NPY5R: variants seen among roughly 807,000 people sequenced by gnomAD.
NPY5R encodes neuropeptide Y receptor type 5.
In NPY5R, 21 loss-of-function variants were observed where a neutral mutation model predicts 24.8. The ratio of observed to expected loss-of-function variants is 0.85; its 90% CI spans 0.60 to 1.22. NPY5R has a LOEUF of 1.22. Among genes scored for constraint, NPY5R ranks in the 50% most tolerant of loss-of-function variants. The pLI, the probability that NPY5R is intolerant of heterozygous loss-of-function variation, is 0.00. For missense variants in NPY5R, 481 were observed against 521.3 expected (o/e 0.92, Z 0.75); for synonymous variants, 175 against 183.0 (o/e 0.96, Z 0.35).
Position 163,350,831 on chromosome 4 carries a change from A to G in NPY5R, c.558A>G (p.Thr186=), listed in dbSNP as rs765193269. The part of the protein sequence containing the change: ...VFHSLVELQE[T]FGSALLSSRY... Reference sequence around the variant, plus strand: ...ACAGTCTTGTGGAACTTCAAGAAACATTTGGTTCAGCATTGCTGAGCAGCA... The same window carrying G: ...ACAGTCTTGTGGAACTTCAAGAAACGTTTGGTTCAGCATTGCTGAGCAGCA... The change falls in exon 4 of 4, where the codon ACA becomes ACG. Residue 186 remains threonine, a synonymous_variant. Coordinates refer to ENST00000338566, the MANE Select transcript of NPY5R (RefSeq NM_006174.4). The G allele has an allele frequency of 6.2e-7, 1 of 1,614,166 alleles. No individual in the cohort carries two copies. Among genetic ancestry groups the G allele is most frequent in the Non-Finnish European group, 8.5e-7 (1 of 1,180,028 alleles).
At position 163,351,455 on chromosome 4, in the gene NPY5R, T is replaced by C. The variant is rs1253367378; in HGVS notation, c.1182T>C (p.Asn394=). 6.2e-7 allele frequency: 1 copy of C among 1,614,018 alleles called. No individual in the cohort carries two copies. The change falls in exon 4 of 4, where the codon AAT becomes AAC. Residue 394 remains asparagine (N), a synonymous_variant. Transcript: ENST00000338566. The stretch of plus-strand genomic sequence containing the variant: ...TTTTCCATGTGGTAACTGATTTTAA[T>C]GACAATCTTATTTCAAATAGGCATT... The part of the protein sequence containing the change: ...LHLFHVVTDF[N]DNLISNRHFK...
At position 163,347,308 on chromosome 4, in the gene NPY5R, A is replaced by T. The variant is rs560961682; in HGVS notation, c.-80-144A>T. The stretch of plus-strand genomic sequence containing the variant: ...AAAACTACATTGTTTCTATTACCAC[A>T]AATTGTGCTGCATCTTCTCTTTCTT... On this transcript the variant is annotated intron_variant, in intron 2 of 3. Transcript: ENST00000338566. 3 of 152,334 alleles carry T rather than the reference A, an allele frequency of 2.0e-5. No homozygotes were observed. In the South Asian group the frequency reaches 6.2e-4, roughly 32 times the overall value. The allele number at this position is 152,334 out of a possible 1,614,324, so 9.4% of individuals were successfully genotyped here.
At chr4:163,348,500 G>A (rs549484316) in intron 3 of NPY5R, among the ~76,000 whole-genome samples, 5 of 151,856 alleles carry the variant, frequency 3.3e-5, no homozygotes, top group South Asian at 2.1e-4. Context: ...GTAGTGGCAC[G>A]TGCCTGTAGT....
rs1735465022 is a variant in NPY5R, at chr4:163,350,864, A to G, written c.591A>G (p.Leu197=). ...CAGCATTGCTGAGCAGCAGGTATTT[A>G]TGTGTTGAGTCATGGCCATCTGATT... ...FGSALLSSRY[L]CVESWPSDSY... The change falls in exon 4 of 4, where the codon TTA becomes TTG. Residue 197 remains leucine, a synonymous_variant. Coordinates refer to ENST00000338566, the MANE Select transcript of NPY5R (RefSeq NM_006174.4). The G allele has an allele frequency of 1.9e-6, 3 of 1,614,182 alleles. No homozygotes were observed. The highest frequency in any genetic ancestry group is 2.5e-6 in the Non-Finnish European group (3 of 1,180,030).
In NPY5R at chr4:163,351,210, C is replaced by T; in HGVS notation, c.937C>T (p.Pro313Ser). Reference protein sequence around the residue: ...PSQENHSRILPENFGSVRSQL... With the variant: ...PSQENHSRILSENFGSVRSQL... ...TCAAGAGAACCACTCCAGAATACTT[C>T]CAGAAAACTTTGGCTCTGTAAGAAG... The change falls in exon 4 of 4, where the codon CCA becomes TCA. Residue 313 changes from proline (P) to serine (S), a missense_variant. Pro to Ser is a moderately conservative substitution (Grantham distance 74). Coordinates refer to ENST00000338566, the MANE Select transcript of NPY5R (RefSeq NM_006174.4). 6.2e-7 allele frequency: 1 copy of T among 1,614,118 alleles called. No individual in the cohort carries two copies. The highest frequency in any genetic ancestry group is 8.5e-7 in the Non-Finnish European group (1 of 1,179,982).
intron 3 of NPY5R, among the ~76,000 whole-genome samples, chr4:163,348,601 C>T (rs1485554810): frequency 6.7e-6 from 1 of 149,758 alleles, no homozygotes; most frequent in Non-Finnish European, 1.5e-5. Flanking sequence ...GCTGTGGTCA[C>T]ACTACTGCAC....
In NPY5R at chr4:163,350,433, CTTG is replaced by C. The variant is rs1735441376; in HGVS notation, c.161_163del (p.Leu54_Gly55delinsArg). The C allele has an allele frequency of 6.2e-7, 1 of 1,613,836 alleles. No individual in the cohort carries two copies. Among genetic ancestry groups the C allele is most frequent in the East Asian group, 2.2e-5 (1 of 44,868 alleles). ...TGGGCTCTATACATTTGTAAGTCTT[CTTG>C]GCTTTATGGGGAATCTACTTATTTT... On this transcript the variant is annotated inframe_deletion, in exon 4 of 4. Coordinates refer to ENST00000338566, the MANE Select transcript of NPY5R (RefSeq NM_006174.4).
chr4:163,349,737 C>T (rs1001902127), intron 3 of NPY5R, among the ~76,000 whole-genome samples: 2 of 152,152 alleles, frequency 1.3e-5, no homozygotes, highest in African/African-American at 4.8e-5. Flanking sequence ...TAAATTAATA[C>T]ATCTTAGAAG....
rs78861810 is a variant in NPY5R at position 163,350,304 on chromosome 4, A to G, written c.31A>G (p.Lys11Glu). 22 of 1,590,832 alleles carry G rather than the reference A, an allele frequency of 1.4e-5. No individual in the cohort carries two copies. Among genetic ancestry groups the G allele is most frequent in the Middle Eastern group, 3.4e-4 (2 of 5,966 alleles). Reference sequence around the variant, plus strand: ...TTTAGAGCTCGACGAGTATTATAACAAGACACTTGCCACAGAGAATAATAC... The same window carrying G: ...TTTAGAGCTCGACGAGTATTATAACGAGACACTTGCCACAGAGAATAATAC... The part of the protein sequence containing the change: MDLELDEYYN[K>E]TLATENNTAA... The change falls in exon 4 of 4, where the codon AAG (lysine) becomes GAG (glutamate). Residue 11 changes from lysine to glutamate, a missense_variant. Lys to Glu is a moderately conservative substitution (Grantham distance 56, BLOSUM62 1). Transcript: ENST00000338566.
In NPY5R at chr4:163,350,705, A is replaced by G; in HGVS notation, c.432A>G (p.Lys144=). 1 of 1,613,956 alleles carries G rather than the reference A, an allele frequency of 6.2e-7. No homozygotes were observed. The change falls in exon 4 of 4, where the codon AAA becomes AAG. Residue 144 remains lysine, a synonymous_variant. Coordinates refer to ENST00000338566, the MANE Select transcript of NPY5R (RefSeq NM_006174.4). ...SIAIVRYHMI[K]HPISNNLTAN... ...CCATTGTCAGGTATCATATGATAAAACATCCCATATCTAATAATTTAACAG... is the reference window on the plus strand; with the variant it reads ...CCATTGTCAGGTATCATATGATAAAGCATCCCATATCTAATAATTTAACAG...
At position 163,350,353 on chromosome 4, in the gene NPY5R, TCCC is replaced by T. The variant is rs1735436342; in HGVS notation, c.81_83del (p.Phe27_Pro28delinsLeu). On this transcript the variant is annotated inframe_deletion, in exon 4 of 4. Transcript: ENST00000338566. ...ACTGCTGCCACTCGGAATTCTGATTTCCCAGTCTGGGATGACTATAAAAGCAGT... is the reference window on the plus strand; with the variant it reads ...ACTGCTGCCACTCGGAATTCTGATTTAGTCTGGGATGACTATAAAAGCAGT... 1 of 1,612,386 alleles carries T rather than the reference TCCC, an allele frequency of 6.2e-7. No individual in the cohort carries two copies. The highest frequency in any genetic ancestry group is 1.3e-5 in the African/African-American group (1 of 74,862).
intron 3 of NPY5R, among the ~76,000 whole-genome samples, chr4:163,348,067 G>A (rs1200985685): frequency 1.3e-5 from 2 of 151,982 alleles, no homozygotes; most frequent in Admixed American, 1.3e-4. Context: ...TTTGCCATTT[G>A]GAAATTTATT....
rs1330674712 is a variant in NPY5R, at chr4:163,350,996, A to T, written c.723A>T (p.Gly241=). 1 of 1,614,042 alleles carries T rather than the reference A, an allele frequency of 6.2e-7. No individual in the cohort carries two copies. Among genetic ancestry groups the T allele is most frequent in the African/African-American group, 1.3e-5 (1 of 75,046 alleles). ...GTGTCTGCAGAAGTATAAGCTGTGG[A>T]TTGTCCAACAAAGAAAACAGACTTG... ...HTSVCRSISC[G]LSNKENRLEE... is the part of the protein sequence containing the mutation. Residue 241 remains glycine (G), a synonymous_variant, in exon 4 of 4, where the codon GGA becomes GGT. Transcript: ENST00000338566.
chr4:163,345,619 A>ACAT (rs1161206294), intron 1 of NPY5R, 95 bp from the exon 2 acceptor site: 1 of 152,226 alleles, frequency 6.6e-6, no homozygotes, highest in East Asian at 1.9e-4. Context: ...CAGAAGATTC[A>ACAT]CATATATCAT....
At chr4:163,349,375 A>G in intron 3 of NPY5R, 2 of 926,432 alleles carry the variant, frequency 2.2e-6, no homozygotes, top group Non-Finnish European at 2.6e-6. Flanking sequence ...CATTGCTTGT[A>G]AATAAACAAG....
At chr4:163,349,501 C>T (rs1735390230) in intron 3 of NPY5R, among the ~76,000 whole-genome samples, 1 of 152,112 alleles carries the variant, frequency 6.6e-6, no homozygotes, top group South Asian at 2.1e-4. Flanking sequence ...GCCGAGTTGA[C>T]CAGGACAAGT....
intron 3 of NPY5R, 146 bp from the exon 4 acceptor site, chr4:163,350,119 A>G (rs1735420914): frequency 2.3e-6 from 1 of 442,632 alleles, no homozygotes; most frequent in Non-Finnish European, 3.8e-6. Context: ...AAAAAAAAAA[A>G]AAAAAAGATA....
Position 163,350,565 on chromosome 4 carries a change from A to G in NPY5R, c.292A>G (p.Thr98Ala), listed in dbSNP as rs1735450318. The G allele has an allele frequency of 6.2e-7, 1 of 1,613,978 alleles. No homozygotes were observed. The highest frequency in any genetic ancestry group is 1.3e-5 in the African/African-American group (1 of 74,900). Residue 98 changes from threonine to alanine, a missense_variant, in exon 4 of 4, where the codon ACA (threonine) becomes GCA (alanine). Thr to Ala is a moderately conservative substitution (Grantham distance 58, BLOSUM62 0). Coordinates refer to ENST00000338566, the MANE Select transcript of NPY5R (RefSeq NM_006174.4). ...ILVVLFCSPF[T>A]LTSVLLDQWM... is the part of the protein sequence containing the mutation. ...GGTTGTGCTGTTTTGCTCACCTTTCACACTGACGTCTGTCTTGCTGGATCA... is the reference window on the plus strand; with the variant it reads ...GGTTGTGCTGTTTTGCTCACCTTTCGCACTGACGTCTGTCTTGCTGGATCA...
rs1024622851 is a variant in NPY5R, at chr4:163,347,484, A to T, written c.-48A>T. 1 of 152,194 alleles carries T rather than the reference A, an allele frequency of 6.6e-6. No individual in the cohort carries two copies. Among genetic ancestry groups the T allele is most frequent in the Non-Finnish European group, 1.5e-5 (1 of 68,028 alleles). The allele number at this position is 152,194 out of a possible 1,614,324, so 9.4% of individuals were successfully genotyped here. A position where few individuals can be genotyped will look rare whatever the true frequency, so the allele number is the denominator to read the frequency against. On this transcript the variant is annotated 5_prime_UTR_variant, in exon 3 of 4. Transcript: ENST00000338566. ...AAGGAAAGGCTATCGGTAACAACTG[A>T]CCTGCCACAAAGTTAGAAGAAAGGA...
Sources: allele counts gnomAD v4.1 joint callset (sites outside exome capture counted in the v4.1 genomes callset), GRCh38; gene constraint gnomAD v4.1.1; transcripts MANE v1.5; gene names NCBI Gene and HGNC (gene_info 2026-07-23, HGNC 2026-07-21).